TEX15: variants seen among roughly 807,000 people sequenced by gnomAD.
TEX15 encodes testis expressed 15, meiosis and synapsis associated.
TEX15 carries 171 observed loss-of-function variants against 237.3 expected under a neutral mutation model. The ratio of observed to expected loss-of-function variants is 0.72; its 90% CI spans 0.64 to 0.82. The LOEUF is 0.82. TEX15 is among the 40% of genes least tolerant of loss of function. The probability of loss-of-function intolerance (pLI) is 0.00; values close to 1 mark genes in which losing one functional copy is unlikely to be tolerated. For synonymous variants in TEX15, 1,338 were observed against 1,269.8 expected (o/e 1.05, Z -1.14); for missense variants, 3,750 against 3,646.5 (o/e 1.03, Z -0.73).
At chr8:30,912,594 G>A (rs985999076) in intron 1 of TEX15, among the ~76,000 whole-genome samples, 1 of 152,210 alleles carries the variant, frequency 6.6e-6, no homozygotes, top group Non-Finnish European at 1.5e-5. Context: ...GAGCGAAAGC[G>A]CGGGAACCCG....
intron 5 of TEX15, among the ~76,000 whole-genome samples, chr8:30,861,175 G>A (rs1199850080): frequency 6.6e-6 from 1 of 152,032 alleles, no homozygotes; most frequent in Non-Finnish European, 1.5e-5. Context: ...TTAATGATGT[G>A]AGACAACAGA....
chr8:30,863,446 G>A (rs1000309368), intron 5 of TEX15, among the ~76,000 whole-genome samples: 3 of 152,112 alleles, frequency 2.0e-5, no homozygotes, highest in African/African-American at 7.2e-5. Flanking sequence ...CACAATTTTT[G>A]TGGGCCAGAG....
At chr8:30,880,924 C>CT (rs34766783) in intron 3 of TEX15, among the ~76,000 whole-genome samples, 3,080 of 148,998 alleles carry the variant, frequency 0.021, 171 homozygotes, top group Admixed American at 0.13. Context: ...GTTTTCCTTT[C>CT]TTTTTTTTTT....
At position 30,843,397 on chromosome 8, in the gene TEX15, G is replaced by A. The variant is rs1421147654; in HGVS notation, c.6770C>T (p.Ala2257Val). 1.1e-5 allele frequency: 18 copies of A among 1,612,790 alleles called. No homozygotes were observed. In the African/African-American group the frequency reaches 1.7e-4, roughly 16 times the overall value. ...ATAAAGAGATATTTTAACACGTACT[G>A]CCTCGTTGTTCTTAATAAAATTAAC... The part of the protein sequence containing the change: ...SKVNFIKNNE[A>V]VRVKISLYGL... Residue 2257 changes from alanine to valine, a missense_variant, in exon 8 of 11, where the codon GCA becomes GTA. By Grantham distance (64) the Ala-to-Val change is moderately conservative (BLOSUM62 0). Coordinates refer to ENST00000643185, the MANE Select transcript of TEX15 (RefSeq NM_001350162.2).
chr8:30,845,281 G>T lies in TEX15; in HGVS notation c.4886C>A (p.Ser1629Tyr). The change falls in exon 8 of 11, where the codon TCT (serine) becomes TAT (tyrosine). Residue 1629 changes from serine (S) to tyrosine (Y), a missense_variant. Coordinates refer to ENST00000643185, the MANE Select transcript of TEX15 (RefSeq NM_001350162.2). ...TGCATCACAATCGTTGCCTGTACTA[G>T]AATTTATGTTTTCTTTTATGCAACT... is the stretch of plus-strand genomic sequence containing the variant. ...SLSCIKENIN[S>Y]STGNDCDATC... 5 of 1,613,144 alleles carry T rather than the reference G, an allele frequency of 3.1e-6. No homozygotes were observed. The highest frequency in any genetic ancestry group is 3.4e-6 in the Non-Finnish European group (4 of 1,179,470).
At chr8:30,889,351 C>A (rs1338950270) in intron 2 of TEX15, among the ~76,000 whole-genome samples, 1 of 152,100 alleles carries the variant, frequency 6.6e-6, no homozygotes, top group Non-Finnish European at 1.5e-5. Flanking sequence ...AATCGGGAGG[C>A]TGAGGCAGAA....
At chr8:30,910,738 G>C (rs1250525434) in intron 1 of TEX15, among the ~76,000 whole-genome samples, 1 of 148,184 alleles carries the variant, frequency 6.7e-6, no homozygotes, top group East Asian at 2.0e-4. Context: ...GGCATTATTT[G>C]GCACTCATCC....
At chr8:30,834,677 A>G (rs1807253001) in intron 10 of TEX15, among the ~76,000 whole-genome samples, 1 of 152,156 alleles carries the variant, frequency 6.6e-6, no homozygotes, top group Non-Finnish European at 1.5e-5. Flanking sequence ...CCTACGGGAG[A>G]ACATTAAGTT....
chr8:30,871,135 T>A (rs1563260303), intron 4 of TEX15, among the ~76,000 whole-genome samples: 1 of 152,088 alleles, frequency 6.6e-6, no homozygotes, highest in Non-Finnish European at 1.5e-5. Context: ...GCTCCTGTGA[T>A]TAAACTGAGC....
At chr8:30,889,157 A>T (rs1366204683) in intron 2 of TEX15, among the ~76,000 whole-genome samples, 1 of 152,244 alleles carries the variant, frequency 6.6e-6, no homozygotes, top group Non-Finnish European at 1.5e-5. Flanking sequence ...GACAATCCTC[A>T]AAGCACAATC....
At position 30,847,985 on chromosome 8, in the gene TEX15, A is replaced by C. The variant is rs769916707; in HGVS notation, c.2182T>G (p.Ser728Ala). The change falls in exon 8 of 11, where the codon TCT becomes GCT. Residue 728 changes from serine to alanine, a missense_variant. Transcript: ENST00000643185. ...TGAATGTTACCCTCATACTCCACAG[A>C]GTGCTGAGGATGCTTTTGTGACAGG... ...ESLSQKHPQH[S>A]VEYEGNIHTS... 1 of 1,613,850 alleles carries C rather than the reference A, an allele frequency of 6.2e-7. No homozygotes were observed. Among genetic ancestry groups the C allele is most frequent in the South Asian group, 1.1e-5 (1 of 91,050 alleles).
chr8:30,861,265 G>A (rs1435736296), intron 5 of TEX15, among the ~76,000 whole-genome samples: 2 of 151,916 alleles, frequency 1.3e-5, no homozygotes, highest in Non-Finnish European at 2.9e-5. Flanking sequence ...AGAAACATAG[G>A]CCAATATTTA....
At position 30,833,293 on chromosome 8, in the gene TEX15, C is replaced by T. The variant is rs766423255; in HGVS notation, c.9512G>A (p.Gly3171Glu). The T allele has an allele frequency of 1.0e-5, 16 of 1,593,086 alleles. No individual in the cohort carries two copies. Among genetic ancestry groups the T allele is most frequent in the Non-Finnish European group, 1.3e-5 (15 of 1,170,172 alleles). The change falls in exon 11 of 11, where the codon GGA (glycine) becomes GAA (glutamate). Residue 3171 changes from glycine (G) to glutamate (E), a missense_variant. Coordinates refer to ENST00000643185, the MANE Select transcript of TEX15 (RefSeq NM_001350162.2). ...ATAGACAGAAGACTATTTTCAGTGT[C>T]CTGGATGAAAGGATTCTTGGTGCCA... is the stretch of plus-strand genomic sequence containing the variant. Reference protein sequence around the residue: ...APWHQESFHPGH With the variant: ...APWHQESFHPEH
chr8:30,837,972 A>T lies in TEX15; in HGVS notation c.8312T>A (p.Val2771Asp). Reference sequence around the variant, plus strand: ...GCCAGGTAGTGATCTTTGCATTTCAACCTTTTTTGGCGTTAAATGATTTCT... The same window carrying T: ...GCCAGGTAGTGATCTTTGCATTTCATCCTTTTTTGGCGTTAAATGATTTCT... ...LKRNHLTPKKVEMQRSLPGSL... is the reference protein window; with the variant it reads ...LKRNHLTPKKDEMQRSLPGSL... The change falls in exon 10 of 11, where the codon GTT (valine) becomes GAT (aspartate). Residue 2771 changes from valine (V) to aspartate (D), a missense_variant. Physicochemically the swap from Val to Asp is radical, Grantham distance 152. Transcript: ENST00000643185. 5 of 1,613,964 alleles carry T rather than the reference A, an allele frequency of 3.1e-6. No individual in the cohort carries two copies. The highest frequency in any genetic ancestry group is 4.2e-6 in the Non-Finnish European group (5 of 1,179,988).
Position 30,858,713 on chromosome 8 carries a change from T to A in TEX15, c.805A>T (p.Met269Leu). 1 of 1,535,932 alleles carries A rather than the reference T, an allele frequency of 6.5e-7. No homozygotes were observed. ...LGSKVDNGRL[M>L]TSLRFLSTGF... ...GTTGAGAGGAATCTCAAAGATGTCA[T>A]AAGGCGTCCATTATCTACTTTTGAA... Residue 269 changes from methionine to leucine, a missense_variant, in exon 7 of 11, where the codon ATG becomes TTG. Physicochemically the swap from Met to Leu is conservative, Grantham distance 15 (BLOSUM62 2). Transcript: ENST00000643185.
At position 30,874,959 on chromosome 8, in the gene TEX15, C is replaced by A; in HGVS notation, c.280G>T (p.Glu94Ter). 1 of 1,342,402 alleles carries A rather than the reference C, an allele frequency of 7.4e-7. No homozygotes were observed. The allele number at this position is 1,342,402 out of a possible 1,614,324, so 83.2% of individuals were successfully genotyped here. A position where few individuals can be genotyped will look rare whatever the true frequency, so the allele number is the denominator to read the frequency against. ...DTKLVHNEELEKNFTAKRSEM... is the reference protein window; with the variant it reads ...DTKLVHNEEL The stretch of plus-strand genomic sequence containing the variant: ...TACCTCTTAGCAGTAAAATTTTTTT[C>A]CAGTTCCTCATTGTGAACCAGTTTT... The change falls in exon 4 of 11, where the codon GAA (glutamate) becomes TAA (stop). Residue 94 changes from glutamate to a stop codon, truncating the protein, a stop_gained. Transcript: ENST00000643185. LOFTEE classifies it high-confidence loss of function.
In TEX15 at chr8:30,846,388, G is replaced by A. The variant is rs143812503; in HGVS notation, c.3779C>T (p.Ser1260Phe). The A allele has an allele frequency of 5.6e-6, 9 of 1,613,306 alleles. No individual in the cohort carries two copies. Among genetic ancestry groups the A allele is most frequent in the Non-Finnish European group, 7.6e-6 (9 of 1,179,678 alleles). Residue 1260 changes from serine (S) to phenylalanine (F), a missense_variant, in exon 8 of 11, where the codon TCT (serine) becomes TTT (phenylalanine). Physicochemically the swap from Ser to Phe is radical, Grantham distance 155 (BLOSUM62 -2). Transcript: ENST00000643185. ...GACATTAGAAGGTTCAGTAAACAAA[G>A]ATTCACTGTTCTGATTTTCAGACGT... The part of the protein sequence containing the change: ...NHTSENQNSE[S>F]LFTEPSNVTT...
rs778806258 is a variant in TEX15 at position 30,848,048 on chromosome 8, G to A, written c.2119C>T (p.Leu707=). ...GGAGTAATTTGCCATTCCAATGCTAGATGATCTAGTTCATCCTTATCCTTT... is the reference window on the plus strand; with the variant it reads ...GGAGTAATTTGCCATTCCAATGCTAAATGATCTAGTTCATCCTTATCCTTT... The part of the protein sequence containing the change: ...TIKDKDELDH[L]ALEWQITPSF... Residue 707 remains leucine, a synonymous_variant, in exon 8 of 11, where the codon CTA becomes TTA. Transcript: ENST00000643185. 6.2e-7 allele frequency: 1 copy of A among 1,613,816 alleles called. No homozygotes were observed. The highest frequency in any genetic ancestry group is 1.6e-4 in the Middle Eastern group (1 of 6,062).
chr8:30,837,046 C>T lies in TEX15; in HGVS notation c.9238G>A (p.Val3080Ile). Residue 3080 changes from valine (V) to isoleucine (I), a missense_variant, in exon 10 of 11, where the codon GTT becomes ATT. Transcript: ENST00000643185. ...TGTGTGCCCTGGGCAGTACTTGCAACTGTGGTCAACAGCCCAGAAGGAGAT... is the reference window on the plus strand; with the variant it reads ...TGTGTGCCCTGGGCAGTACTTGCAATTGTGGTCAACAGCCCAGAAGGAGAT... ...QPSPSGLLTT[V>I]ASTAQGTHSN... is the part of the protein sequence containing the mutation. 6.2e-7 allele frequency: 1 copy of T among 1,614,146 alleles called. No individual in the cohort carries two copies. Among genetic ancestry groups the T allele is most frequent in the Non-Finnish European group, 8.5e-7 (1 of 1,180,034 alleles).
Sources: allele counts gnomAD v4.1 joint callset (sites outside exome capture counted in the v4.1 genomes callset), GRCh38; gene constraint gnomAD v4.1.1; transcripts MANE v1.5; gene names NCBI Gene and HGNC (gene_info 2026-07-23, HGNC 2026-07-21).